The following CCS variants were observed in gnomAD, a reference collection of about 807,000 sequenced individuals.
CCS encodes the protein copper chaperone for superoxide dismutase.
Under a neutral mutation model 35.5 loss-of-function variants are expected in CCS, and 32 were observed. The ratio of observed to expected loss-of-function variants is 0.90; its 90% CI spans 0.68 to 1.21. The LOEUF (loss-of-function observed/expected upper bound fraction) is 1.21, where lower values mean the gene tolerates loss of function less well. CCS is among the 50% of genes most tolerant of loss of function. The pLI is 0.00. For synonymous variants in CCS, 130 were observed against 147.2 expected (o/e 0.88, Z 0.84); for missense variants, 342 against 375.4 (o/e 0.91, Z 0.73).
At chr11:66,593,463 T>TG in intron 1 of CCS, 163 bp downstream of exon 1, 2 of 928,864 alleles carry the variant, frequency 2.2e-6, no homozygotes, top group Non-Finnish European at 1.6e-6. Flanking sequence ...GCGTGAGTGT[T>TG]GGGGGGTGAC....
chr11:66,600,329 G>A, intron 4 of CCS, 160 bp from the exon 5 acceptor site: 1 of 435,620 alleles, frequency 2.3e-6, no homozygotes, highest in Non-Finnish European at 4.1e-6. Context: ...ACCCATGTCT[G>A]ATTCTTCTCG....
intron 2 of CCS, 137 bp from the exon 3 acceptor site, chr11:66,598,979 A>G: frequency 3.2e-6 from 3 of 943,794 alleles, no homozygotes; most frequent in South Asian, 1.5e-5. Context: ...AGGGTTACAC[A>G]GTTACGAAGT....
Position 66,601,880 on chromosome 11 carries a change from AT to A in CCS, c.489+1343del, listed in dbSNP as rs750117312. On this transcript the variant is annotated intron_variant, in intron 5 of 7. Coordinates refer to ENST00000533244, the MANE Select transcript of CCS (RefSeq NM_005125.2). ...AGCCAGCATGCCTGGCCTCTGCCACATTTTTTTTTTTTCTTTTTCTTTTTTT... is the reference window on the plus strand; with the variant it reads ...AGCCAGCATGCCTGGCCTCTGCCACATTTTTTTTTTTCTTTTTCTTTTTTT... Among the ~76,000 whole-genome samples the A allele has an allele frequency of 2.2e-3, 314 of 144,108 alleles. 2 individuals carry two copies. Among genetic ancestry groups the A allele is most frequent in the African/African-American group, 3.4e-3 (134 of 39,446 alleles). 94.5% of individuals were successfully genotyped at this position (144,108 alleles called of 152,430 possible).
intron 5 of CCS, among the ~76,000 whole-genome samples, chr11:66,602,033 C>T (rs1858580435): frequency 6.6e-6 from 1 of 152,194 alleles, no homozygotes; most frequent in African/African-American, 2.4e-5. Flanking sequence ...TGTGCCCAAC[C>T]ACCCTGTCAC....
At chr11:66,599,723 C>A in intron 4 of CCS, 87 bp downstream of exon 4, 1 of 1,259,378 alleles carries the variant, frequency 7.9e-7, no homozygotes, top group Non-Finnish European at 1.1e-6. Flanking sequence ...GGCACATACA[C>A]ACAGGCACAA....
At position 66,600,553 on chromosome 11, in the gene CCS, A is replaced by T. The variant is rs766419685; in HGVS notation, c.489+4A>T. ...GGGCCCCCAGGACTCTGACCGGGTA[A>T]GTGTCTGTCTGGGTTTGGGCTTGGG... On this transcript the variant is annotated splice_donor_region_variant and intron_variant, in intron 5 of 7. Transcript: ENST00000533244. 1 of 1,509,372 alleles carries T rather than the reference A, an allele frequency of 6.6e-7. No individual in the cohort carries two copies. The highest frequency in any genetic ancestry group is 2.5e-5 in the East Asian group (1 of 39,446). 93.5% of individuals were successfully genotyped at this position (1,509,372 alleles called of 1,614,324 possible).
Position 66,605,689 on chromosome 11 carries a change from C to A in CCS, c.672-13C>A, listed in dbSNP as rs1418362643. On this transcript the variant is annotated splice_polypyrimidine_tract_variant and intron_variant, in intron 7 of 7. Coordinates refer to ENST00000533244, the MANE Select transcript of CCS (RefSeq NM_005125.2). Reference sequence around the variant, plus strand: ...AAACAGGTACCCACCCCTGACCACACATTCTTCTGCAGGTTGGCCTGTGGC... The same window carrying A: ...AAACAGGTACCCACCCCTGACCACAAATTCTTCTGCAGGTTGGCCTGTGGC... 1 of 1,574,806 alleles carries A rather than the reference C, an allele frequency of 6.3e-7. No homozygotes were observed. The highest frequency in any genetic ancestry group is 1.2e-5 in the South Asian group (1 of 86,350).
intron 2 of CCS, among the ~76,000 whole-genome samples, chr11:66,594,232 G>A (rs59431265): frequency 0.11 from 17,343 of 152,056 alleles, 1,272 homozygotes; most frequent in Non-Finnish European, 0.17. Flanking sequence ...GGTGGTGGGC[G>A]CCTGTAGTCC....
rs919091355 is a variant in CCS at position 66,604,328 on chromosome 11, TA to T, written c.490-1003del. On this transcript the variant is annotated intron_variant, in intron 5 of 7. Transcript: ENST00000533244. The stretch of plus-strand genomic sequence containing the variant: ...CTGTTCAAATCTCCAACGCAGGGCG[TA>T]AAAAAAAGTACCAGGTGCAGGCAGC... 1.5e-4 allele frequency among the ~76,000 whole-genome samples: 23 copies of T among 151,750 alleles called. 1 individual carries two copies. The East Asian group carries it at 1.5e-3, about 10-fold the overall frequency.
intron 2 of CCS, among the ~76,000 whole-genome samples, chr11:66,598,070 C>T (rs1045450701): frequency 2.7e-5 from 4 of 149,820 alleles, no homozygotes; most frequent in East Asian, 2.0e-4. Context: ...GGTGACACAG[C>T]GAGACTCTGT....
Position 66,605,742 on chromosome 11 carries a change from C to T in CCS, c.712C>T (p.Gln238Ter), listed in dbSNP as rs765194748. Residue 238 changes from glutamine to a stop codon, truncating the protein, a stop_gained, in exon 8 of 8, where the codon CAG (glutamine) becomes TAG (stop). Coordinates refer to ENST00000533244, the MANE Select transcript of CCS (RefSeq NM_005125.2). LOFTEE classifies it high-confidence loss of function. ...GIIARSAGLF[Q>*]NPKQICSCDG... ...CATTGCACGCTCCGCTGGCCTTTTCCAGAACCCCAAGCAGATCTGCTCTTG... is the reference window on the plus strand; with the variant it reads ...CATTGCACGCTCCGCTGGCCTTTTCTAGAACCCCAAGCAGATCTGCTCTTG... 6.2e-7 allele frequency: 1 copy of T among 1,603,788 alleles called. No individual in the cohort carries two copies. Among genetic ancestry groups the T allele is most frequent in the Non-Finnish European group, 8.5e-7 (1 of 1,174,946 alleles).
chr11:66,595,136 T>A (rs2134978020), intron 2 of CCS, among the ~76,000 whole-genome samples: 1 of 152,142 alleles, frequency 6.6e-6, no homozygotes, highest in East Asian at 1.9e-4. Context: ...TGGGGGATGA[T>A]AATAGAAGCT....
rs757854559 is a variant in CCS at position 66,593,197 on chromosome 11, G to T, written c.-65G>T. On this transcript the variant is annotated 5_prime_UTR_variant, in exon 1 of 8. Transcript: ENST00000533244. The stretch of plus-strand genomic sequence containing the variant: ...GCTTTAGAGGCTCAGTCCCCGCGAC[G>T]CCGCGCTGGTTGGTGCTCCTGCGCC... 1.6e-4 allele frequency: 252 copies of T among 1,529,014 alleles called. No homozygotes were observed. Among genetic ancestry groups the T allele is most frequent in the Admixed American group, 6.0e-4 (30 of 49,862 alleles). The allele number at this position is 1,529,014 out of a possible 1,614,324, so 94.7% of individuals were successfully genotyped here. A position where few individuals can be genotyped will look rare whatever the true frequency, so the allele number is the denominator to read the frequency against.
intron 2 of CCS, among the ~76,000 whole-genome samples, chr11:66,596,459 A>G (rs1351103352): frequency 6.8e-6 from 1 of 148,118 alleles, no homozygotes; most frequent in Non-Finnish European, 1.5e-5. Flanking sequence ...GGCTCACTGC[A>G]AGCTCCGCCT....
At chr11:66,601,339 ACCTCAGCC>A (rs1858568554) in intron 5 of CCS, among the ~76,000 whole-genome samples, 1 of 152,106 alleles carries the variant, frequency 6.6e-6, no homozygotes, top group East Asian at 1.9e-4. Flanking sequence ...TGATCCACCC[ACCTCAGCC>A]TCCCAAAGTG....
chr11:66,596,185 GC>G (rs2134978889), intron 2 of CCS, among the ~76,000 whole-genome samples: 1 of 151,788 alleles, frequency 6.6e-6, no homozygotes, highest in African/African-American at 2.4e-5. Context: ...TCCCACCTCA[GC>G]CTCCTGAGTA....
intron 5 of CCS, among the ~76,000 whole-genome samples, chr11:66,603,738 T>C (rs1319491928): frequency 6.6e-6 from 1 of 151,954 alleles, no homozygotes; most frequent in Non-Finnish European, 1.5e-5. Flanking sequence ...CCCAGCTACT[T>C]GGGAGGTTGA....
intron 5 of CCS, among the ~76,000 whole-genome samples, chr11:66,603,207 G>A (rs560133834): frequency 4.6e-5 from 7 of 152,312 alleles, no homozygotes; most frequent in African/African-American, 1.7e-4. Context: ...AAACAGCCTG[G>A]AAAGGCTGCC....
In CCS at chr11:66,605,919, G is replaced by A. The variant is rs1395680359; in HGVS notation, c.*64G>A. 5.6e-6 allele frequency: 8 copies of A among 1,435,948 alleles called. No homozygotes were observed. The South Asian group carries it at 6.0e-5, about 11-fold the overall frequency. The allele number at this position is 1,435,948 out of a possible 1,614,324, so 89.0% of individuals were successfully genotyped here. A position where few individuals can be genotyped will look rare whatever the true frequency, so the allele number is the denominator to read the frequency against. On this transcript the variant is annotated 3_prime_UTR_variant, in exon 8 of 8. Coordinates refer to ENST00000533244, the MANE Select transcript of CCS (RefSeq NM_005125.2). ...CGAGCACTTTCCACTTCCAGAGGGGGCCAGAGGGACTTTGCCTGCCCAGTC... is the reference window on the plus strand; with the variant it reads ...CGAGCACTTTCCACTTCCAGAGGGGACCAGAGGGACTTTGCCTGCCCAGTC...
Sources: allele counts gnomAD v4.1 joint callset (sites outside exome capture counted in the v4.1 genomes callset), GRCh38; gene constraint gnomAD v4.1.1; transcripts MANE v1.5; gene names NCBI Gene and HGNC (gene_info 2026-07-23, HGNC 2026-07-21).